POLR3K: variants seen among roughly 807,000 people sequenced by gnomAD.
POLR3K encodes RNA polymerase III subunit K.
In POLR3K, 11 loss-of-function variants were observed where a neutral mutation model predicts 13.5. The observed-to-expected ratio is 0.81, with a 90% CI of 0.51 to 1.35. The LOEUF is 1.35. POLR3K is among the 40% of genes most tolerant of loss of function. POLR3K has a pLI of 0.00. For missense variants in POLR3K, 144 were observed against 145.3 expected (o/e 0.99, Z 0.05); for synonymous variants, 56 against 51.5 (o/e 1.09, Z -0.38).
chr16:52,446 CAAAAAAAAAAAAAAAAAAAAAA>C lies in POLR3K; in HGVS notation c.112-823_112-802del, dbSNP rs767411954. Among the ~76,000 whole-genome samples the C allele has an allele frequency of 1.6e-4, 12 of 74,192 alleles. 1 individual carries two copies. Among genetic ancestry groups the C allele is most frequent in the Middle Eastern group, 0.01 (1 of 96 alleles). 48.7% of individuals were successfully genotyped at this position (74,192 alleles called of 152,430 possible). A position where few individuals can be genotyped will look rare whatever the true frequency, so the allele number is the denominator to read the frequency against. On this transcript the variant is annotated intron_variant, in intron 1 of 2. Transcript: ENST00000293860. Reference sequence around the variant, plus strand: ...TGGGAAACAGAGCGAGACTCTGTCTCAAAAAAAAAAAAAAAAAAAAAAAAAAAAAAAAAAAAAAAAAGGTCGG... The same window carrying C: ...TGGGAAACAGAGCGAGACTCTGTCTCAAAAAAAAAAAAAAAAAAAGGTCGG...
intron 2 of POLR3K, among the ~76,000 whole-genome samples, chr16:50,302 G>A (rs774714425): frequency 1.3e-5 from 2 of 151,944 alleles, no homozygotes; most frequent in African/African-American, 2.4e-5. Flanking sequence ...CTAACCATCA[G>A]TTATCTCTCT....
Position 51,571 on chromosome 16 carries a change from A to T in POLR3K, c.186T>A (p.Val62=), listed in dbSNP as rs146310141. The T allele has an allele frequency of 2.6e-4, 423 of 1,613,958 alleles. No individual in the cohort carries two copies. The highest frequency in any genetic ancestry group is 3.2e-4 in the South Asian group (29 of 91,074). The change falls in exon 2 of 3, where the codon GTT becomes GTA. Residue 62 remains valine, a synonymous_variant. Coordinates refer to ENST00000293860, the MANE Select transcript of POLR3K (RefSeq NM_016310.5). The stretch of plus-strand genomic sequence containing the variant: ...TTTCCCTCTTACCTGCAGTAGAGTC[A>T]ACATTCTCCCAGGCAGCTGCTCCAC... The part of the protein sequence containing the change: ...VLGGAAAWEN[V]DSTAESCPKC...
At position 47,548 on chromosome 16, in the gene POLR3K, G is replaced by T. The variant is rs1897294916; in HGVS notation, c.209C>A (p.Pro70His). The change falls in exon 3 of 3, where the codon CCC becomes CAC. Residue 70 changes from proline (P) to histidine (H), a missense_variant. By Grantham distance (77) the Pro-to-His change is moderately conservative. Transcript: ENST00000293860. The stretch of plus-strand genomic sequence containing the variant: ...GTAAGCACGAGGATGTTCGCATTTG[G>T]GACACGACTCTGGCAATGAGAAAAA... ...ENVDSTAESC[P>H]KCEHPRAYFM... 6 of 1,612,322 alleles carry T rather than the reference G, an allele frequency of 3.7e-6. No individual in the cohort carries two copies. Among genetic ancestry groups the T allele is most frequent in the Non-Finnish European group, 5.1e-6 (6 of 1,179,078 alleles).
At position 53,238 on chromosome 16, in the gene POLR3K, C is replaced by T. The variant is rs1276895068; in HGVS notation, c.111+238G>A. ...GCTTTAAGGAAATCACCGTGGCCGCCGCTGTGAACGCAGAGAAGGGCGCGA... is the reference window on the plus strand; with the variant it reads ...GCTTTAAGGAAATCACCGTGGCCGCTGCTGTGAACGCAGAGAAGGGCGCGA... On this transcript the variant is annotated intron_variant, in intron 1 of 2. Coordinates refer to ENST00000293860, the MANE Select transcript of POLR3K (RefSeq NM_016310.5). 15 of 740,996 alleles carry T rather than the reference C, an allele frequency of 2.0e-5. No individual in the cohort carries two copies. In the East Asian group the frequency reaches 4.9e-4, roughly 24 times the overall value. The allele number at this position is 740,996 out of a possible 1,614,324, so 45.9% of individuals were successfully genotyped here.
intron 2 of POLR3K, among the ~76,000 whole-genome samples, chr16:50,610 C>A (rs530670401): frequency 8.0e-4 from 120 of 150,654 alleles, no homozygotes; most frequent in Non-Finnish European, 1.6e-3. Flanking sequence ...GCAACCTCTG[C>A]CTCCTGGGTT....
intron 2 of POLR3K, among the ~76,000 whole-genome samples, chr16:48,935 C>T (rs895596142): frequency 1.3e-5 from 2 of 151,538 alleles, no homozygotes; most frequent in African/African-American, 4.9e-5. Flanking sequence ...AGGTGGATCA[C>T]GAGGTCGGGA....
rs946489081 is a variant in POLR3K, at chr16:52,765, C to CAAAAAAAAA, written c.111+702_111+710dup. 6.3e-3 allele frequency among the ~76,000 whole-genome samples: 211 copies of CAAAAAAAAA among 33,366 alleles called. 12 individuals are homozygous for CAAAAAAAAA. The highest frequency in any genetic ancestry group is 8.9e-3 in the Non-Finnish European group (145 of 16,220). The allele number at this position is 33,366 out of a possible 152,430, so 21.9% of individuals were successfully genotyped here. ...TGGGCGACAGAGCGGGACTCCGTCT[C>CAAAAAAAAA]AAAAAAAAAAAAAAAAAAAAAAAAA... On this transcript the variant is annotated intron_variant, in intron 1 of 2. Transcript: ENST00000293860.
At chr16:48,925 A>G (rs1027434482) in intron 2 of POLR3K, among the ~76,000 whole-genome samples, 6 of 150,188 alleles carry the variant, frequency 4.0e-5, no homozygotes, top group Admixed American at 6.6e-5. Context: ...AGGCTGAGGC[A>G]GGTGGATCAC....
At chr16:51,357 G>A (rs181103020) in intron 2 of POLR3K, among the ~76,000 whole-genome samples, 57 of 152,312 alleles carry the variant, frequency 3.7e-4, no homozygotes, top group Non-Finnish European at 7.8e-4. Context: ...ACCCGGGCCT[G>A]TATGACTCCA....
chr16:53,426 GGAAGGCCTGCGAGAGTCGCCCGC>G, intron 1 of POLR3K, 27 bp downstream of exon 1: 1 of 1,539,584 alleles, frequency 6.5e-7, no homozygotes, highest in Non-Finnish European at 8.7e-7. Context: ...CGGAGGACGC[GGAAGGCCTGCGAGAGTCGCCCGC>G]GCCCAGCGCC....
intron 2 of POLR3K, 51 bp from the exon 3 acceptor site, chr16:47,608 TG>T: frequency 1.3e-6 from 2 of 1,594,896 alleles, no homozygotes; most frequent in Non-Finnish European, 8.6e-7. Flanking sequence ...ATGCTACTCA[TG>T]GCTGTCAAAA....
intron 2 of POLR3K, among the ~76,000 whole-genome samples, chr16:48,392 G>A (rs556537204): frequency 1.3e-5 from 2 of 152,298 alleles, no homozygotes; most frequent in Non-Finnish European, 2.9e-5. Context: ...GGTTGGAAAC[G>A]TAACATGGAA....
intron 2 of POLR3K, among the ~76,000 whole-genome samples, chr16:49,980 CAG>C (rs1409718680): frequency 2.0e-5 from 3 of 151,414 alleles, no homozygotes; most frequent in Non-Finnish European, 4.4e-5. Context: ...TTTTTTTTGA[CAG>C]AGTTTCGTTC....
intron 2 of POLR3K, among the ~76,000 whole-genome samples, chr16:50,773 T>C (rs1156344335): frequency 2.0e-5 from 3 of 152,182 alleles, no homozygotes; most frequent in African/African-American, 7.2e-5. Flanking sequence ...TCTGCCTACC[T>C]TGGCCTCCCA....
intron 1 of POLR3K, among the ~76,000 whole-genome samples, chr16:52,446 C>T (rs1383356510): frequency 8.1e-5 from 6 of 74,184 alleles, no homozygotes; most frequent in South Asian, 9.9e-4. Context: ...GACTCTGTCT[C>T]AAAAAAAAAA....
chr16:52,803 A>T (rs947286558), intron 1 of POLR3K, among the ~76,000 whole-genome samples: 2 of 150,932 alleles, frequency 1.3e-5, no homozygotes, highest in Admixed American at 6.6e-5. Context: ...AAACAATAAA[A>T]AAAAATAAAG....
chr16:53,398 C>G, intron 1 of POLR3K, 78 bp downstream of exon 1: 1 of 1,501,918 alleles, frequency 6.7e-7, no homozygotes. Flanking sequence ...CCGGGGCTGG[C>G]GGCGATGGAG....
intron 2 of POLR3K, among the ~76,000 whole-genome samples, chr16:48,927 G>T (rs1897307448): frequency 6.6e-6 from 1 of 150,470 alleles, no homozygotes; most frequent in Non-Finnish European, 1.5e-5. Flanking sequence ...GCTGAGGCAG[G>T]TGGATCACGA....
In POLR3K at chr16:47,462, T is replaced by C. The variant is rs138506211; in HGVS notation, c.295A>G (p.Asn99Asp). 9 of 1,613,438 alleles carry C rather than the reference T, an allele frequency of 5.6e-6. No homozygotes were observed. Among genetic ancestry groups the C allele is most frequent in the Middle Eastern group, 1.6e-4 (1 of 6,084 alleles). Residue 99 changes from asparagine to aspartate, a missense_variant, in exon 3 of 3, where the codon AAT (asparagine) becomes GAT (aspartate). Transcript: ENST00000293860. ...EPMTTFYKCC[N>D]AQCGHRWRD Reference sequence around the variant, plus strand: ...CTCCAGCGGTGTCCACACTGAGCATTGCAGCACTTGTAGAAGGTGGTCATC... The same window carrying C: ...CTCCAGCGGTGTCCACACTGAGCATCGCAGCACTTGTAGAAGGTGGTCATC...
Sources: allele counts gnomAD v4.1 joint callset (sites outside exome capture counted in the v4.1 genomes callset), GRCh38; gene constraint gnomAD v4.1.1; transcripts MANE v1.5; gene names NCBI Gene and HGNC (gene_info 2026-07-23, HGNC 2026-07-21).